The following SLCO1A2 variants were observed in gnomAD, a reference collection of about 807,000 sequenced individuals.
The protein encoded by SLCO1A2 is OATP-1.
In SLCO1A2, 67 loss-of-function variants were observed where a neutral mutation model predicts 69.0. That is an observed-to-expected ratio of 0.97 (90% CI 0.80 to 1.19). SLCO1A2 has a LOEUF of 1.19. SLCO1A2 is among the 50% of genes most tolerant of loss of function. SLCO1A2 has a pLI of 0.00. For synonymous variants in SLCO1A2, 260 were observed against 265.9 expected, an observed-to-expected ratio of 0.98 and a Z score of 0.22; for missense variants, 787 against 793.7, an observed-to-expected ratio of 0.99 and a Z score of 0.10.
At chr12:21,347,702 A>AGAAAGAAAG (rs1953320405) in intron 2 of SLCO1A2, among the ~76,000 whole-genome samples, 2 of 148,202 alleles carry the variant, frequency 1.3e-5, no homozygotes, top group African/African-American at 5.1e-5. Context: ...GGAAGGAAGA[A>AGAAAGAAAG]GGAAAAAAGG....
intron 2 of SLCO1A2, among the ~76,000 whole-genome samples, chr12:21,362,286 A>G (rs2137052224): frequency 6.6e-6 from 1 of 152,270 alleles, no homozygotes; most frequent in Middle Eastern, 3.4e-3. Context: ...AGAATTTCAT[A>G]CCCAGTCAAA....
chr12:21,405,072 T>C (rs894015437), intron 1 of SLCO1A2, among the ~76,000 whole-genome samples: 3 of 117,744 alleles, frequency 2.5e-5, no homozygotes, highest in Non-Finnish European at 5.2e-5. Flanking sequence ...GGTCACTTTT[T>C]AATGGCTTTT....
intron 1 of SLCO1A2, among the ~76,000 whole-genome samples, chr12:21,402,648 T>C (rs7953750): frequency 0.64 from 96,937 of 151,866 alleles, 31,059 homozygotes; most frequent in Middle Eastern, 0.76. Context: ...GGACTAACCA[T>C]GATTTAGATA....
At chr12:21,280,865 C>CA (rs946380174) in intron 12 of SLCO1A2, among the ~76,000 whole-genome samples, 4 of 151,336 alleles carry the variant, frequency 2.6e-5, no homozygotes, top group Non-Finnish European at 5.9e-5. Flanking sequence ...TTAAAACATC[C>CA]AAAAAAAATT....
At chr12:21,329,678 C>T (rs1952481627) in intron 2 of SLCO1A2, among the ~76,000 whole-genome samples, 1 of 151,694 alleles carries the variant, frequency 6.6e-6, no homozygotes, top group Non-Finnish European at 1.5e-5. Context: ...TTTCTCCTCA[C>T]TCATCTTTTA....
intron 2 of SLCO1A2, among the ~76,000 whole-genome samples, chr12:21,346,354 G>A (rs1953251282): frequency 6.6e-6 from 1 of 152,066 alleles, no homozygotes. Flanking sequence ...AGAACTGTCG[G>A]TGAGAGAGCT....
intron 2 of SLCO1A2, among the ~76,000 whole-genome samples, chr12:21,365,922 G>A (rs1034525222): frequency 1.3e-5 from 2 of 152,218 alleles, no homozygotes; most frequent in African/African-American, 4.8e-5. Flanking sequence ...AGGATGTGGA[G>A]AAATAGGAAC....
chr12:21,305,656 C>T (rs993741562), intron 5 of SLCO1A2, among the ~76,000 whole-genome samples: 1 of 152,184 alleles, frequency 6.6e-6, no homozygotes, highest in East Asian at 1.9e-4. Flanking sequence ...ACAATGAAGC[C>T]GACTAGCACC....
chr12:21,334,985 T>G (rs1952833229), upstream of SLCO1A2: 1 of 186,542 alleles, frequency 5.4e-6, no homozygotes, highest in African/African-American at 2.3e-5. Context: ...AATGGTCACA[T>G]GGTTAAAAGA....
chr12:21,383,743 G>A (rs1940727834), intron 1 of SLCO1A2, among the ~76,000 whole-genome samples: 1 of 152,042 alleles, frequency 6.6e-6, no homozygotes. Flanking sequence ...CCACCTAGAA[G>A]AAGTTCACGG....
upstream of SLCO1A2, among the ~76,000 whole-genome samples, chr12:21,396,872 G>C (rs1941484457): frequency 6.6e-6 from 1 of 151,980 alleles, no homozygotes; most frequent in Admixed American, 6.6e-5. Flanking sequence ...CCTGAAGGAA[G>C]CACTAAACAT....
intron 3 of SLCO1A2, among the ~76,000 whole-genome samples, chr12:21,317,798 T>A (rs1311923337): frequency 6.6e-6 from 1 of 152,218 alleles, no homozygotes; most frequent in African/African-American, 2.4e-5. Context: ...GAAGCTATTA[T>A]AAAACTAGAA....
intron 12 of SLCO1A2, among the ~76,000 whole-genome samples, chr12:21,286,619 G>A (rs374351430): frequency 8.0e-6 from 1 of 124,320 alleles, no homozygotes; most frequent in African/African-American, 3.3e-5. Context: ...ATACTACAAG[G>A]CTACAGTAAC....
rs548733844 is a variant in SLCO1A2, at chr12:21,406,174, G to A, written c.-312+11708C>T. Reference sequence around the variant, plus strand: ...ATATTTAAAATGTGTGTGTGTCTGTGTGTCTGTGTGTCTGTGTGTGTGTGT... The same window carrying A: ...ATATTTAAAATGTGTGTGTGTCTGTATGTCTGTGTGTCTGTGTGTGTGTGT... On this transcript the variant is annotated intron_variant, in intron 1 of 4. Transcript: ENST00000413682. 2.8e-4 allele frequency among the ~76,000 whole-genome samples: 42 copies of A among 152,356 alleles called. 1 individual carries two copies. The South Asian group carries it at 8.7e-3, about 32-fold the overall frequency.
chr12:21,304,339 A>G (rs764983795), intron 6 of SLCO1A2, 88 bp downstream of exon 6: 5 of 1,088,062 alleles, frequency 4.6e-6, no homozygotes, highest in Middle Eastern at 3.1e-4. Context: ...CATTGTGGAA[A>G]TCACTAAGAC....
chr12:21,395,476 A>C (rs1941407066), upstream of SLCO1A2: 1 of 154,374 alleles, frequency 6.5e-6, no homozygotes, highest in South Asian at 2.1e-4. Context: ...AGGCTTGATT[A>C]GGTAAACAAA....
intron 1 of SLCO1A2, among the ~76,000 whole-genome samples, chr12:21,408,405 C>G (rs1223125505): frequency 6.6e-6 from 1 of 152,070 alleles, no homozygotes; most frequent in Non-Finnish European, 1.5e-5. Flanking sequence ...AACATAGAGT[C>G]CTTTAAGTTG....
At chr12:21,406,070 G>A (rs1941819063) in intron 1 of SLCO1A2, among the ~76,000 whole-genome samples, 2 of 152,198 alleles carry the variant, frequency 1.3e-5, no homozygotes, top group South Asian at 4.1e-4. Context: ...ATTTTGTCTG[G>A]TTGAAGGAAG....
chr12:21,399,903 G>A (rs2137186179), upstream of SLCO1A2, among the ~76,000 whole-genome samples: 1 of 151,038 alleles, frequency 6.6e-6, no homozygotes, highest in South Asian at 2.1e-4. Flanking sequence ...TTAAACGTTA[G>A]ACCTAAAACC....
Sources: gnomAD v4.1 joint callset for allele counts (sites outside exome capture counted in the v4.1 genomes callset) on GRCh38, gnomAD v4.1.1 for gene constraint, MANE v1.5 for transcripts, NCBI Gene and HGNC (gene_info 2026-07-23, HGNC 2026-07-21) for gene names.